Variants in PTGR3 observed in about 807,000 individuals in gnomAD.
PTGR3 encodes the protein zinc binding alcohol dehydrogenase domain containing 2.
chr18:75,204,187 T>C, the PTGR3 span, among the ~76,000 whole-genome samples: 2 of 152,236 alleles, frequency 1.3e-5, no homozygotes, highest in Non-Finnish European at 2.9e-5. Flanking sequence ...CCAGCCCCTC[T>C]GCGACGGCAG....
the PTGR3 span, chr18:75,199,162 A>C: frequency 3.2e-3 from 483 of 152,668 alleles, 3 homozygotes; most frequent in Middle Eastern, 6.8e-3. Context: ...TGGGCGTTTG[A>C]ATTTTATTTT....
chr18:75,200,679 G>C, the PTGR3 span: 1 of 152,028 alleles, frequency 6.6e-6, no homozygotes, highest in African/African-American at 2.4e-5. Flanking sequence ...AATCTCTGTG[G>C]TTTCCCTTTC....
At chr18:75,204,563 G>C in the PTGR3 span, among the ~76,000 whole-genome samples, 2 of 152,176 alleles carry the variant, frequency 1.3e-5, no homozygotes, top group Non-Finnish European at 2.9e-5. Flanking sequence ...TCCAGGCTCC[G>C]TCCATCTAAC....
the PTGR3 span, among the ~76,000 whole-genome samples, chr18:75,206,839 A>G: frequency 6.6e-6 from 1 of 152,240 alleles, no homozygotes; most frequent in Non-Finnish European, 1.5e-5. Context: ...AGCTCCAAAC[A>G]TGGGAGTCTG....
the PTGR3 span, chr18:75,199,256 G>C: frequency 6.6e-6 from 1 of 152,442 alleles, no homozygotes; most frequent in African/African-American, 2.4e-5. Flanking sequence ...TAAAATGTTG[G>C]TCTTTCATCT....
chr18:75,202,755 T>A, the PTGR3 span, among the ~76,000 whole-genome samples: 1 of 151,172 alleles, frequency 6.6e-6, no homozygotes, highest in African/African-American at 2.4e-5. Context: ...GAGTTGGAAA[T>A]TAATTGGCCT....
chr18:75,202,678 A>C, the PTGR3 span, among the ~76,000 whole-genome samples: 2 of 151,736 alleles, frequency 1.3e-5, no homozygotes, highest in Non-Finnish European at 2.9e-5. Context: ...AAAAAAAAAA[A>C]AGAAAAGAAG....
chr18:75,204,303 G>A, the PTGR3 span, among the ~76,000 whole-genome samples: 1 of 152,256 alleles, frequency 6.6e-6, no homozygotes, highest in Non-Finnish European at 1.5e-5. Context: ...CTGGGAAGAG[G>A]TGGAGAGATG....
chr18:75,204,553 T>C, the PTGR3 span, among the ~76,000 whole-genome samples: 1 of 152,136 alleles, frequency 6.6e-6, no homozygotes, highest in South Asian at 2.1e-4. Context: ...CGCGTGCCCG[T>C]CCAGGCTCCG....
At chr18:75,208,587 A>C in the PTGR3 span, 22 of 930,556 alleles carry the variant, frequency 2.4e-5, no homozygotes, top group South Asian at 5.3e-5. Context: ...GGAGGAGGGG[A>C]GGGGAATCCC....
chr18:75,205,295 CG>C, the PTGR3 span: 37 of 985,486 alleles, frequency 3.8e-5, no homozygotes, highest in Non-Finnish European at 3.6e-5. Context: ...GGAGCAGGGG[CG>C]GAAGGGCCAG....
At chr18:75,202,688 G>C in the PTGR3 span, among the ~76,000 whole-genome samples, 1 of 148,444 alleles carries the variant, frequency 6.7e-6, no homozygotes, top group East Asian at 1.9e-4. Context: ...AAGAAAAGAA[G>C]GAAAAAAGAA....
At chr18:75,208,460 C>T in the PTGR3 span, 1 of 1,009,694 alleles carries the variant, frequency 9.9e-7, no homozygotes, top group African/African-American at 1.7e-5. Context: ...CCCGCTCCAC[C>T]CTAAAGATTA....
At chr18:75,201,534 G>A in the PTGR3 span, 2 of 1,614,124 alleles carry the variant, frequency 1.2e-6, no homozygotes, top group Non-Finnish European at 1.7e-6. Flanking sequence ...CCTGCCCTCT[G>A]GAGACAGATC....
chr18:75,206,056 G>GTC, the PTGR3 span, among the ~76,000 whole-genome samples: 13 of 152,120 alleles, frequency 8.5e-5, no homozygotes, highest in East Asian at 1.9e-4. Flanking sequence ...ACCTGGGGAT[G>GTC]TCTCTCTCTC....
At chr18:75,207,555 G>A in the PTGR3 span, among the ~76,000 whole-genome samples, 2 of 152,174 alleles carry the variant, frequency 1.3e-5, no homozygotes, top group South Asian at 2.1e-4. Context: ...CACAGCCAAT[G>A]CAAACATTTT....
At chr18:75,202,120 G>C in the PTGR3 span, 83 of 1,614,086 alleles carry the variant, frequency 5.1e-5, no homozygotes, top group Admixed American at 4.0e-4. Flanking sequence ...TTCACTGAGG[G>C]CACTGGAGTT....
the PTGR3 span, chr18:75,197,090 G>GT: frequency 6.6e-6 from 1 of 152,010 alleles, no homozygotes; most frequent in Non-Finnish European, 1.5e-5. Context: ...GGTAACAGCA[G>GT]TAAGGTTCTC....
the PTGR3 span, chr18:75,208,554 C>T: frequency 9.7e-6 from 7 of 722,208 alleles, no homozygotes; most frequent in Non-Finnish European, 1.1e-5. Flanking sequence ...ATTTCGGGAG[C>T]GGGAGGGGGA....
Sources: allele counts gnomAD v4.1 joint callset (sites outside exome capture counted in the v4.1 genomes callset), GRCh38; gene constraint gnomAD v4.1.1; transcripts MANE v1.5; gene names NCBI Gene and HGNC (gene_info 2026-07-23, HGNC 2026-07-21).